STARD9: variants seen among roughly 807,000 people sequenced by gnomAD.
STARD9 encodes stAR-related lipid transfer protein 9.
Under a neutral mutation model 399.8 loss-of-function variants are expected in STARD9, and 346 were observed. The observed-to-expected ratio is 0.87, with a 90% CI of 0.79 to 0.95. The LOEUF (loss-of-function observed/expected upper bound fraction) is 0.95, where lower values mean the gene tolerates loss of function less well. STARD9 is among the 40% of genes least tolerant of loss of function. The probability of loss-of-function intolerance (pLI) is 0.00; values close to 1 mark genes in which losing one functional copy is unlikely to be tolerated. For missense variants in STARD9, 5,832 were observed against 5,667.5 expected (o/e 1.03, Z -0.93); for synonymous variants, 2,203 against 2,143.5 (o/e 1.03, Z -0.77).
At position 42,691,707 on chromosome 15, in the gene STARD9, C is replaced by G. The variant is rs2140283774; in HGVS notation, c.10129C>G (p.Leu3377Val). 1 of 1,537,290 alleles carries G rather than the reference C, an allele frequency of 6.5e-7. No individual in the cohort carries two copies. The highest frequency in any genetic ancestry group is 2.4e-5 in the East Asian group (1 of 40,922). Residue 3377 changes from leucine to valine, a missense_variant, in exon 23 of 33, where the codon CTG becomes GTG. By Grantham distance (32) the Leu-to-Val change is conservative. Around this residue, in one of 2 missense-constraint regions of STARD9, gnomAD observed 5,828 missense variants for 5,651.1 expected, o/e 1.03. Transcript: ENST00000290607. ...SSGKSVARTS[L>V]QAEDSNQKAS... is the part of the protein sequence containing the mutation. Reference sequence around the variant, plus strand: ...AGGAAAGTCAGTGGCAAGAACATCTCTGCAGGCTGAGGACAGCAATCAGAA... The same window carrying G: ...AGGAAAGTCAGTGGCAAGAACATCTGTGCAGGCTGAGGACAGCAATCAGAA...
At chr15:42,683,356 T>G (rs75948540) in intron 22 of STARD9, among the ~76,000 whole-genome samples, 1 of 152,232 alleles carries the variant, frequency 6.6e-6, no homozygotes, top group Non-Finnish European at 1.5e-5. Context: ...TCAGCAATTA[T>G]TAGGTTTTAC....
At chr15:42,587,820 C>T (rs547310218) in intron 3 of STARD9, among the ~76,000 whole-genome samples, 1 of 152,272 alleles carries the variant, frequency 6.6e-6, no homozygotes, top group East Asian at 1.9e-4. Context: ...TCACCTCAGC[C>T]TCCTAAAGTG....
At chr15:42,591,860 A>G (rs2141700009) in intron 3 of STARD9, among the ~76,000 whole-genome samples, 1 of 152,330 alleles carries the variant, frequency 6.6e-6, no homozygotes, top group East Asian at 1.9e-4. Flanking sequence ...AGCCAGATAC[A>G]ATTGTAAATG....
chr15:42,718,997 C>A (rs2061402701), intron 32 of STARD9, 87 bp downstream of exon 32: 1 of 1,244,914 alleles, frequency 8.0e-7, no homozygotes. Flanking sequence ...CTTTTGAACA[C>A]CCTCCAGTGC....
chr15:42,717,735 T>C lies in STARD9; in HGVS notation c.13499T>C (p.Met4500Thr). The change falls in exon 29 of 33, where the codon ATG becomes ACG. Residue 4500 changes from methionine (M) to threonine (T), a missense_variant. Physicochemically the swap from Met to Thr is moderately conservative, Grantham distance 81 (BLOSUM62 -1). Transcript: ENST00000290607. ...HVVDTSMADV[M>T]AACSDNLHNL... The stretch of plus-strand genomic sequence containing the variant: ...GTGTGGCCATTGTGTCCCCAGGTAA[T>C]GGCTGCTTGTTCGGATAATTTGCAC... 1 of 1,537,192 alleles carries C rather than the reference T, an allele frequency of 6.5e-7. No individual in the cohort carries two copies.
At chr15:42,704,467 A>G (rs2061032883) in intron 26 of STARD9, among the ~76,000 whole-genome samples, 1 of 152,162 alleles carries the variant, frequency 6.6e-6, no homozygotes, top group Non-Finnish European at 1.5e-5. Context: ...TATATATTCC[A>G]ATTTTTGCAA....
At chr15:42,705,856 G>A (rs934458234) in intron 26 of STARD9, among the ~76,000 whole-genome samples, 9 of 152,058 alleles carry the variant, frequency 5.9e-5, no homozygotes, top group East Asian at 1.9e-4. Flanking sequence ...GGGTTCAAGC[G>A]ATTCTCTTGT....
chr15:42,612,676 G>A (rs945936083), intron 3 of STARD9, among the ~76,000 whole-genome samples: 13 of 152,172 alleles, frequency 8.5e-5, no homozygotes, highest in African/African-American at 3.1e-4. Flanking sequence ...TTAGCAAAAA[G>A]AAGCACTGAC....
Position 42,575,750 on chromosome 15 carries a change from C to T in STARD9, c.35C>T (p.Pro12Leu). The T allele has an allele frequency of 3.3e-6, 5 of 1,536,836 alleles. No homozygotes were observed. Among genetic ancestry groups the T allele is most frequent in the Non-Finnish European group, 4.4e-6 (5 of 1,146,804 alleles). Residue 12 changes from proline (P) to leucine (L), a missense_variant, in exon 1 of 33, where the codon CCG becomes CTG. By Grantham distance (98) the Pro-to-Leu change is moderately conservative. Coordinates refer to ENST00000290607, the MANE Select transcript of STARD9 (RefSeq NM_020759.3). ...ANVQVAVRVR[P>L]LSKRETKEGG... The stretch of plus-strand genomic sequence containing the variant: ...GTGCAGGTCGCCGTGCGGGTCCGGC[C>T]GCTCAGCAAGAGGTGAGTCTCCGCG...
intron 1 of STARD9, among the ~76,000 whole-genome samples, chr15:42,579,891 C>CGAA (rs1459906814): frequency 1.3e-5 from 2 of 152,154 alleles, no homozygotes; most frequent in Non-Finnish European, 1.5e-5. Flanking sequence ...TTATCTGACA[C>CGAA]AATACTATGA....
intron 7 of STARD9, among the ~76,000 whole-genome samples, chr15:42,646,683 T>G (rs2059652070): frequency 6.6e-6 from 1 of 152,242 alleles, no homozygotes. Context: ...TGTTTTGTTT[T>G]CTTATCGTTC....
chr15:42,639,038 T>C (rs780709867), intron 7 of STARD9, among the ~76,000 whole-genome samples: 3 of 152,162 alleles, frequency 2.0e-5, no homozygotes, highest in Non-Finnish European at 2.9e-5. Context: ...CAAGTAGTGA[T>C]AAAGGTTAAT....
intron 26 of STARD9, among the ~76,000 whole-genome samples, chr15:42,700,868 T>G (rs1165758572): frequency 6.6e-6 from 1 of 152,234 alleles, no homozygotes; most frequent in Non-Finnish European, 1.5e-5. Flanking sequence ...AAAGCATTTC[T>G]CCTATGTTGT....
At chr15:42,665,025 C>T (rs1379984610) in intron 13 of STARD9, among the ~76,000 whole-genome samples, 1 of 152,118 alleles carries the variant, frequency 6.6e-6, no homozygotes, top group African/African-American at 2.4e-5. Flanking sequence ...GGCCCCAGTC[C>T]TTCAGAGTTT....
At chr15:42,641,889 C>G (rs1595692282) in intron 7 of STARD9, among the ~76,000 whole-genome samples, 1 of 152,232 alleles carries the variant, frequency 6.6e-6, no homozygotes, top group East Asian at 1.9e-4. Context: ...CAGGCATGAG[C>G]CACCGCGCCC....
chr15:42,672,908 G>C (rs776013655), intron 16 of STARD9: 5 of 152,044 alleles, frequency 3.3e-5, no homozygotes, highest in African/African-American at 4.8e-5. Context: ...GACAACCCTG[G>C]ACAACATGGC....
chr15:42,659,367 C>A (rs1468890023), intron 9 of STARD9, among the ~76,000 whole-genome samples: 3 of 152,102 alleles, frequency 2.0e-5, no homozygotes, highest in Non-Finnish European at 4.4e-5. Flanking sequence ...CAAATTAGAA[C>A]CAAATGAGAT....
intron 3 of STARD9, chr15:42,630,095 C>G (rs1198528832): frequency 6.9e-6 from 1 of 145,772 alleles, no homozygotes; most frequent in Admixed American, 7.2e-5. Flanking sequence ...CCTCCATCTT[C>G]TGGGTTCAAG....
chr15:42,636,929 T>C (rs1392480821), intron 4 of STARD9, among the ~76,000 whole-genome samples: 1 of 151,814 alleles, frequency 6.6e-6, no homozygotes, highest in Non-Finnish European at 1.5e-5. Context: ...CCAGGTGTGG[T>C]GGTGGGTGCC....
Sources: gnomAD v4.1 joint callset for allele counts (sites outside exome capture counted in the v4.1 genomes callset) on GRCh38, gnomAD v4.1.1 for gene constraint, gnomAD v4.1.1 regional missense constraint, MANE v1.5 for transcripts, NCBI Gene and HGNC (gene_info 2026-07-23, HGNC 2026-07-21) for gene names.